Variants in NUDCD3 observed in about 807,000 individuals in gnomAD.
The protein encoded by NUDCD3 is NudC domain containing 3.
NUDCD3 carries 13 observed loss-of-function variants against 39.7 expected under a neutral mutation model. The ratio of observed to expected loss-of-function variants is 0.33; its 90% confidence interval spans 0.21 to 0.52. The LOEUF is 0.52. NUDCD3 is among the 20% of genes least tolerant of loss of function. NUDCD3 has a pLI of 0.96. For missense variants in NUDCD3, 453 were observed against 458.1 expected (o/e 0.99, Z 0.10); for synonymous variants, 175 against 172.4 (o/e 1.02, Z -0.12).
At chr7:44,405,857 C>T (rs945751346) in intron 3 of NUDCD3, among the ~76,000 whole-genome samples, 13 of 152,058 alleles carry the variant, frequency 8.5e-5, no homozygotes, top group Admixed American at 3.9e-4. Context: ...AGTGCAGTGG[C>T]GTGATCCCAG....
intron 4 of NUDCD3, among the ~76,000 whole-genome samples, chr7:44,394,619 T>C (rs1798587594): frequency 6.6e-6 from 1 of 152,264 alleles, no homozygotes; most frequent in African/African-American, 2.4e-5. Flanking sequence ...TCACAAGTCC[T>C]GTAAAACACA....
rs1798361790 is a variant in NUDCD3 at position 44,384,300 on chromosome 7, A to T, written c.*1711T>A. On this transcript the variant is annotated 3_prime_UTR_variant, in exon 6 of 6. Coordinates refer to ENST00000355451, the MANE Select transcript of NUDCD3 (RefSeq NM_015332.4). ...TGCAAATCCTAGGACCTCAATGGGA[A>T]GAACTCCAGGAAAAAAAATGACAAG... The T allele has an allele frequency of 6.6e-6, 1 of 152,190 alleles. No homozygotes were observed. The highest frequency in any genetic ancestry group is 6.5e-5 in the Admixed American group (1 of 15,288). The allele number at this position is 152,190 out of a possible 1,614,324, so 9.4% of individuals were successfully genotyped here.
chr7:44,462,383 C>A (rs13229282), intron 2 of NUDCD3, among the ~76,000 whole-genome samples: 1 of 152,104 alleles, frequency 6.6e-6, no homozygotes, highest in South Asian at 2.1e-4. Flanking sequence ...AGCATCTCAA[C>A]CACATAATTA....
At chr7:44,421,792 G>A (rs765889499) in intron 3 of NUDCD3, among the ~76,000 whole-genome samples, 1 of 152,088 alleles carries the variant, frequency 6.6e-6, no homozygotes, top group Non-Finnish European at 1.5e-5. Context: ...TTCAGGACTT[G>A]AACTCAGCTC....
chr7:44,437,435 C>T (rs1799489743), intron 2 of NUDCD3, among the ~76,000 whole-genome samples: 3 of 152,216 alleles, frequency 2.0e-5, no homozygotes, highest in East Asian at 1.9e-4. Context: ...ACCAGAAGTT[C>T]GTCTATGTTG....
intron 3 of NUDCD3, among the ~76,000 whole-genome samples, chr7:44,405,153 G>T (rs534868321): frequency 6.6e-6 from 1 of 152,284 alleles, no homozygotes; most frequent in East Asian, 1.9e-4. Context: ...GGTTTTGGAA[G>T]GCAGCTATGC....
At chr7:44,464,231 A>AAAAAG (rs1563185029) in intron 2 of NUDCD3, among the ~76,000 whole-genome samples, 2 of 113,910 alleles carry the variant, frequency 1.8e-5, no homozygotes, top group Non-Finnish European at 2.2e-5. Flanking sequence ...AAAAAAAAAG[A>AAAAAG]AAAAGAAAAC....
intron 2 of NUDCD3, among the ~76,000 whole-genome samples, chr7:44,480,941 C>CAAAAAAA (rs1164765600): frequency 2.0e-4 from 7 of 34,872 alleles, no homozygotes; most frequent in African/African-American, 5.6e-4. Context: ...GACCCAGTAT[C>CAAAAAAA]AAAAAAAAAA....
At chr7:44,463,912 G>C (rs1800067177) in intron 2 of NUDCD3, among the ~76,000 whole-genome samples, 1 of 152,022 alleles carries the variant, frequency 6.6e-6, no homozygotes. Flanking sequence ...CAGTATGAGG[G>C]ACCAAAAGAA....
intron 4 of NUDCD3, among the ~76,000 whole-genome samples, chr7:44,395,401 A>G (rs1348710820): frequency 2.0e-5 from 3 of 152,240 alleles, no homozygotes; most frequent in African/African-American, 7.2e-5. Context: ...AATGGAGGCA[A>G]AATCCACTTA....
intron 2 of NUDCD3, among the ~76,000 whole-genome samples, chr7:44,434,169 TC>T (rs1799422384): frequency 6.6e-6 from 1 of 152,160 alleles, no homozygotes; most frequent in Admixed American, 6.5e-5. Context: ...GAGTGTTCAC[TC>T]CTGAGAGCTC....
At chr7:44,429,229 T>G (rs1799302742) in intron 2 of NUDCD3, among the ~76,000 whole-genome samples, 1 of 152,150 alleles carries the variant, frequency 6.6e-6, no homozygotes, top group Non-Finnish European at 1.5e-5. Context: ...AAACGCTATG[T>G]TGGAATCTTA....
intron 2 of NUDCD3, among the ~76,000 whole-genome samples, chr7:44,469,083 T>C (rs1475986769): frequency 1.8e-4 from 23 of 130,652 alleles, no homozygotes; most frequent in Admixed American, 1.6e-3. Context: ...CAAAATGAAC[T>C]TTAAAAAGGG....
intron 2 of NUDCD3, among the ~76,000 whole-genome samples, chr7:44,465,690 G>C (rs1274052234): frequency 6.6e-6 from 1 of 152,110 alleles, no homozygotes; most frequent in African/African-American, 2.4e-5. Flanking sequence ...AGCCACTTAG[G>C]GTAGAGTGGA....
chr7:44,410,065 C>T (rs1585060202), intron 3 of NUDCD3, among the ~76,000 whole-genome samples: 1 of 151,822 alleles, frequency 6.6e-6, no homozygotes, highest in African/African-American at 2.4e-5. Context: ...TTAAGCATAC[C>T]AACATACAGA....
rs1259003122 is a variant in NUDCD3, at chr7:44,428,434, ACT to A, written c.510-733_510-732del. Reference sequence around the variant, plus strand: ...CTCCAGCCTGGGCAACAAGAGCAAAACTCTGCTCAAAAAAAAAAAAGGCAAAA... The same window carrying A: ...CTCCAGCCTGGGCAACAAGAGCAAAACTGCTCAAAAAAAAAAAAGGCAAAA... On this transcript the variant is annotated intron_variant, in intron 2 of 5. Transcript: ENST00000355451. 4.0e-5 allele frequency among the ~76,000 whole-genome samples: 6 copies of A among 150,484 alleles called. No individual in the cohort carries two copies. In the East Asian group the frequency reaches 7.8e-4, roughly 20 times the overall value.
At chr7:44,386,145 T>C in intron 5 of NUDCD3, 24 bp from the exon 6 acceptor site, 1 of 1,613,386 alleles carries the variant, frequency 6.2e-7, no homozygotes, top group Non-Finnish European at 8.5e-7. Flanking sequence ...ATAGAGAGAT[T>C]AAAGGGGATC....
At chr7:44,490,342 G>T in intron 1 of NUDCD3, 67 bp downstream of exon 1, 1 of 1,390,008 alleles carries the variant, frequency 7.2e-7, no homozygotes, top group Non-Finnish European at 9.4e-7. Context: ...GCTTGGAGGA[G>T]CGGGCGCCAG....
chr7:44,439,260 T>C (rs990632490), intron 2 of NUDCD3, among the ~76,000 whole-genome samples: 2 of 152,090 alleles, frequency 1.3e-5, no homozygotes, highest in African/African-American at 4.8e-5. Flanking sequence ...ATCTACTCCA[T>C]GACAAAGAAC....
Sources: allele counts gnomAD v4.1 joint callset (sites outside exome capture counted in the v4.1 genomes callset), GRCh38; gene constraint gnomAD v4.1.1; transcripts MANE v1.5; gene names NCBI Gene and HGNC (gene_info 2026-07-23, HGNC 2026-07-21).